Variants in EPS8 observed in about 807,000 individuals in gnomAD.
EPS8 encodes the protein epidermal growth factor receptor kinase substrate 8.
In EPS8, 42 loss-of-function variants were observed where a neutral mutation model predicts 103.8. The observed-to-expected ratio is 0.40, with a 90% CI of 0.32 to 0.52. The LOEUF (loss-of-function observed/expected upper bound fraction) is 0.52. Ranked by LOEUF, EPS8 falls within the 20% of genes least tolerant of loss-of-function variation. EPS8 has a pLI of 0.40. For missense variants in EPS8, 969 were observed against 1,005.1 expected, an observed-to-expected ratio of 0.96 and a Z score of 0.49; for synonymous variants, 344 against 344.6, an observed-to-expected ratio of 1.00 and a Z score of 0.02.
At position 15,687,320 on chromosome 12, in the gene EPS8, AT is replaced by A. The variant is rs1205414848; in HGVS notation, c.-21-4349del. ...ATAAACTCAAAAAACTAATAAGGAT[AT>A]TAAGTTCTTGTAACAATAATGTGGT... On this transcript the variant is annotated intron_variant, in intron 1 of 20. Transcript: ENST00000281172. Among the ~76,000 whole-genome samples, 4 of 152,170 alleles carry A rather than the reference AT, an allele frequency of 2.6e-5. No individual in the cohort carries two copies. The East Asian group carries it at 7.7e-4, about 29-fold the overall frequency.
intron 18 of EPS8, among the ~76,000 whole-genome samples, chr12:15,629,141 C>A (rs1189650067): frequency 6.6e-6 from 1 of 152,168 alleles, no homozygotes; most frequent in East Asian, 1.9e-4. Context: ...CAATGCCACC[C>A]TTTTACTTAT....
chr12:15,757,858 G>T lies in EPS8; in HGVS notation c.-22+31303C>A, dbSNP rs924327664. 2.6e-5 allele frequency among the ~76,000 whole-genome samples: 4 copies of T among 152,162 alleles called. No homozygotes were observed. In the East Asian group the frequency reaches 5.8e-4, roughly 22 times the overall value. On this transcript the variant is annotated intron_variant, in intron 1 of 20. Coordinates refer to ENST00000281172, the MANE Select transcript of EPS8 (RefSeq NM_004447.6). The surrounding 1 kb of genome is among the most constrained non-coding windows in gnomAD (Gnocchi z 4.1). ...AACTTAGCAGCTTAGAAGAACAATAGCGTAAGGTACTAGCTCTCACAGTTT... is the reference window on the plus strand; with the variant it reads ...AACTTAGCAGCTTAGAAGAACAATATCGTAAGGTACTAGCTCTCACAGTTT...
In EPS8 at chr12:15,697,538, A is replaced by G. The variant is rs1325226789; in HGVS notation, c.-21-14566T>C. Among the ~76,000 whole-genome samples, 2 of 152,250 alleles carry G rather than the reference A, an allele frequency of 1.3e-5. No individual in the cohort carries two copies. The highest frequency in any genetic ancestry group is 2.9e-5 in the Non-Finnish European group (2 of 68,042). On this transcript the variant is annotated intron_variant, in intron 1 of 20. Transcript: ENST00000281172. This position sits in a 1 kb window ranked among gnomAD's most constrained non-coding sequence, Gnocchi z 5.6. ...CACTTTACAGATGAATAAGCTAGGT[A>G]CAGAGTTTAATAACATGTTCACTGT...
chr12:15,636,528 CT>C (rs1945137575), intron 17 of EPS8, among the ~76,000 whole-genome samples: 1 of 152,174 alleles, frequency 6.6e-6, no homozygotes. Flanking sequence ...TATTCACTGC[CT>C]GGTATGAGCA....
intron 1 of EPS8, among the ~76,000 whole-genome samples, chr12:15,766,432 G>T (rs567323213): frequency 9.9e-5 from 15 of 151,816 alleles, no homozygotes; most frequent in Admixed American, 3.3e-4. Flanking sequence ...GGCGAAGGTT[G>T]CAGTGAGCCG....
intron 15 of EPS8, among the ~76,000 whole-genome samples, chr12:15,646,818 T>A (rs1945326950): frequency 6.6e-6 from 1 of 152,262 alleles, no homozygotes. Context: ...AGAGACCATC[T>A]GGTACAAACT....
intron 12 of EPS8, among the ~76,000 whole-genome samples, chr12:15,655,161 T>C (rs1234064757): frequency 6.6e-6 from 1 of 152,082 alleles, no homozygotes. Flanking sequence ...GTACATGCTG[T>C]TCCCAGTTCC....
At position 15,663,060 on chromosome 12, in the gene EPS8, G is replaced by C. The variant is rs1240530942; in HGVS notation, c.737-961C>G. Among the ~76,000 whole-genome samples, 3 of 151,180 alleles carry C rather than the reference G, an allele frequency of 2.0e-5. No homozygotes were observed. In the East Asian group the frequency reaches 5.9e-4, roughly 29 times the overall value. Reference sequence around the variant, plus strand: ...GTCTTATGAAACTTAATTAGCGGCTGTTAACTACTTTAAGATAATTAAAAT... The same window carrying C: ...GTCTTATGAAACTTAATTAGCGGCTCTTAACTACTTTAAGATAATTAAAAT... On this transcript the variant is annotated intron_variant, in intron 8 of 20. Transcript: ENST00000281172.
rs369986759 is a variant in EPS8, at chr12:15,662,042, C to T, written c.794G>A (p.Arg265His). Reference protein sequence around the residue: ...QEETPEMMAARIDRDVQILNH... With the variant: ...QEETPEMMAAHIDRDVQILNH... Reference sequence around the variant, plus strand: ...TGTACTTACCACATCTCTGTCAATGCGGGCTGCCATCATCTCAGGTGTTTC... The same window carrying T: ...TGTACTTACCACATCTCTGTCAATGTGGGCTGCCATCATCTCAGGTGTTTC... The change falls in exon 9 of 21, where the codon CGC (arginine) becomes CAC (histidine). Residue 265 changes from arginine (R) to histidine (H), a missense_variant. Physicochemically the swap from Arg to His is conservative, Grantham distance 29. Coordinates refer to ENST00000281172, the MANE Select transcript of EPS8 (RefSeq NM_004447.6). 30 of 1,613,440 alleles carry T rather than the reference C, an allele frequency of 1.9e-5. No individual in the cohort carries two copies. Among genetic ancestry groups the T allele is most frequent in the South Asian group, 3.3e-5 (3 of 91,074 alleles).
At chr12:15,682,521 T>C (rs1202431877) in intron 2 of EPS8, among the ~76,000 whole-genome samples, 2 of 152,170 alleles carry the variant, frequency 1.3e-5, no homozygotes, top group Non-Finnish European at 2.9e-5. Context: ...TAAATGACAT[T>C]TAACCCTTCT....
intron 18 of EPS8, among the ~76,000 whole-genome samples, chr12:15,624,694 A>G (rs1041345223): frequency 2.6e-5 from 4 of 152,230 alleles, no homozygotes; most frequent in Non-Finnish European, 2.9e-5. Flanking sequence ...AGCTGAATAT[A>G]ACACAACAAT....
Position 15,700,913 on chromosome 12 carries a change from T to G in EPS8, c.-21-17941A>C, listed in dbSNP as rs2135936753. On this transcript the variant is annotated intron_variant, in intron 1 of 20. Coordinates refer to ENST00000281172, the MANE Select transcript of EPS8 (RefSeq NM_004447.6). This position sits in a 1 kb window ranked among gnomAD's most constrained non-coding sequence, Gnocchi z 5.1. ...CATATATTTTCTAAACCCAGCCAGG[T>G]TTCAAAGTAAAGAACATTTTCATAA... Among the ~76,000 whole-genome samples, 1 of 152,262 alleles carries G rather than the reference T, an allele frequency of 6.6e-6. No homozygotes were observed. Among genetic ancestry groups the G allele is most frequent in the Non-Finnish European group, 1.5e-5 (1 of 68,006 alleles).
intron 1 of EPS8, among the ~76,000 whole-genome samples, chr12:15,732,305 C>A (rs1476804584): frequency 6.6e-6 from 1 of 152,136 alleles, no homozygotes; most frequent in Admixed American, 6.5e-5. Flanking sequence ...CCCATTAGTA[C>A]AAAACTCCCT....
rs541421436 is a variant in EPS8 at position 15,760,363 on chromosome 12, T to G, written c.-22+28798A>C. Among the ~76,000 whole-genome samples the G allele has an allele frequency of 1.3e-5, 2 of 152,170 alleles. No individual in the cohort carries two copies. Among genetic ancestry groups the G allele is most frequent in the Non-Finnish European group, 2.9e-5 (2 of 67,940 alleles). The stretch of plus-strand genomic sequence containing the variant: ...AGACCCAATGGCTTCACTGCTAAAT[T>G]CTACAAAACATTTAAAGAAGAATTA... On this transcript the variant is annotated intron_variant, in intron 1 of 20. Transcript: ENST00000281172. This position sits in a 1 kb window ranked among gnomAD's most constrained non-coding sequence, Gnocchi z 4.5.
At position 15,629,879 on chromosome 12, in the gene EPS8, C is replaced by T. The variant is rs75167022; in HGVS notation, c.2044+1563G>A. ...AACAGATGTGGCAATAACTTACTGA[C>T]GTGAGAAAAACAGTAGGATGAAAAT... is the stretch of plus-strand genomic sequence containing the variant. On this transcript the variant is annotated intron_variant, in intron 18 of 20. Coordinates refer to ENST00000281172, the MANE Select transcript of EPS8 (RefSeq NM_004447.6). Among the ~76,000 whole-genome samples, 904 of 152,076 alleles carry T rather than the reference C, an allele frequency of 5.9e-3. 8 individuals are homozygous for T. The highest frequency in any genetic ancestry group is 0.037 in the East Asian group (193 of 5,176).
intron 15 of EPS8, among the ~76,000 whole-genome samples, chr12:15,646,459 A>G (rs900279137): frequency 4.6e-5 from 7 of 152,160 alleles, no homozygotes; most frequent in African/African-American, 1.7e-4. Flanking sequence ...TCTCTTTTCT[A>G]CATGGCTTGG....
chr12:15,774,865 G>A (rs1047494374), intron 1 of EPS8, among the ~76,000 whole-genome samples: 1 of 151,756 alleles, frequency 6.6e-6, no homozygotes, highest in Non-Finnish European at 1.5e-5. Flanking sequence ...TTAGTTCAGT[G>A]TATAATGGCC....
At chr12:15,641,244 T>C (rs537698151) in intron 16 of EPS8, among the ~76,000 whole-genome samples, 1 of 152,222 alleles carries the variant, frequency 6.6e-6, no homozygotes, top group South Asian at 2.1e-4. Flanking sequence ...ATTCACCTTA[T>C]ATATTCAAGA....
In EPS8 at chr12:15,713,951, TC is replaced by T. The variant is rs1448911300; in HGVS notation, c.-21-30980del. On this transcript the variant is annotated intron_variant, in intron 1 of 20. Transcript: ENST00000281172. This position sits in a 1 kb window ranked among gnomAD's most constrained non-coding sequence, Gnocchi z 4.8. ...ATCTCCTAGGTAAAAAAATTAAGAA[TC>T]TCCAATCTAAGGAATTAGATCCTGG... 1.3e-5 allele frequency among the ~76,000 whole-genome samples: 2 copies of T among 152,132 alleles called. No homozygotes were observed. The highest frequency in any genetic ancestry group is 2.9e-5 in the Non-Finnish European group (2 of 68,042).
Sources: allele counts gnomAD v4.1 joint callset (sites outside exome capture counted in the v4.1 genomes callset), GRCh38; gene constraint gnomAD v4.1.1; non-coding constraint Gnocchi (gnomAD v3.1); transcripts MANE v1.5; gene names NCBI Gene and HGNC (gene_info 2026-07-23, HGNC 2026-07-21).